Variants in RAPGEF5 observed in about 807,000 individuals in gnomAD.
The protein encoded by RAPGEF5 is Rap guanine nucleotide exchange factor 5.
RAPGEF5 carries 65 observed loss-of-function variants against 125.2 expected under a neutral mutation model. The observed-to-expected ratio is 0.52, with a 90% CI of 0.43 to 0.64. The LOEUF is 0.64. RAPGEF5 is among the 30% of genes least tolerant of loss of function. The pLI is 0.00. For synonymous variants in RAPGEF5, 391 were observed against 385.9 expected (o/e 1.01, Z -0.16); for missense variants, 958 against 1,048.1 (o/e 0.91, Z 1.19).
intron 7 of RAPGEF5, among the ~76,000 whole-genome samples, chr7:22,260,504 C>A (rs566308280): frequency 6.9e-6 from 1 of 144,560 alleles, no homozygotes; most frequent in Admixed American, 6.9e-5. Flanking sequence ...ACTGAGGAAC[C>A]ATCACACAAT....
In RAPGEF5 at chr7:22,314,162, A is replaced by G. The variant is rs1341920245; in HGVS notation, c.389+1208T>C. On this transcript the variant is annotated intron_variant, in intron 3 of 25. Transcript: ENST00000665637. ...TCTCACCACACTATGGATTTGCTCA[A>G]TTAATGGCTCAGAAGAATATAGATT... Among the ~76,000 whole-genome samples the G allele has an allele frequency of 1.9e-4, 29 of 152,232 alleles. 1 individual carries two copies. Among genetic ancestry groups the G allele is most frequent in the Admixed American group, 1.9e-3 (29 of 15,282 alleles).
intron 15 of RAPGEF5, 37 bp downstream of exon 15, chr7:22,157,817 CG>C: frequency 6.3e-7 from 1 of 1,590,082 alleles, no homozygotes; most frequent in African/African-American, 1.3e-5. Flanking sequence ...GTCTCCAAAC[CG>C]GATCACCTAA....
chr7:22,197,892 T>TTG (rs1785184653), intron 9 of RAPGEF5, among the ~76,000 whole-genome samples: 2 of 17,760 alleles, frequency 1.1e-4, no homozygotes, highest in South Asian at 5.6e-3. Context: ...TTCTTTTTTT[T>TTG]TGGGGGGGGG....
chr7:22,331,640 G>T (rs950255699), intron 1 of RAPGEF5, among the ~76,000 whole-genome samples: 2 of 151,182 alleles, frequency 1.3e-5, no homozygotes, highest in Non-Finnish European at 2.9e-5. Context: ...AGCTACTCGG[G>T]ATGCTGAGGC....
At chr7:22,270,798 T>C (rs538834371) in intron 6 of RAPGEF5, among the ~76,000 whole-genome samples, 11 of 152,350 alleles carry the variant, frequency 7.2e-5, no homozygotes, top group Admixed American at 4.6e-4. Context: ...CAGCAACTTG[T>C]AGTCAGATAC....
chr7:22,179,189 G>A (rs1002351025), intron 11 of RAPGEF5, among the ~76,000 whole-genome samples: 4 of 152,040 alleles, frequency 2.6e-5, no homozygotes, highest in African/African-American at 9.7e-5. Flanking sequence ...CTCTATAAGA[G>A]TAGATTTATT....
intron 7 of RAPGEF5, among the ~76,000 whole-genome samples, chr7:22,250,624 T>C (rs1005468835): frequency 1.3e-5 from 2 of 152,118 alleles, no homozygotes; most frequent in African/African-American, 4.8e-5. Context: ...TGATAGCTCT[T>C]ACTTGTCAAT....
At chr7:22,251,728 G>A (rs911689910) in intron 7 of RAPGEF5, among the ~76,000 whole-genome samples, 4 of 126,944 alleles carry the variant, frequency 3.2e-5, no homozygotes, top group African/African-American at 1.2e-4. Context: ...ATATAGGATG[G>A]GATTTCATTT....
At chr7:22,165,514 T>G (rs1321863040) in intron 12 of RAPGEF5, among the ~76,000 whole-genome samples, 1 of 152,204 alleles carries the variant, frequency 6.6e-6, no homozygotes, top group East Asian at 1.9e-4. Context: ...ACTTGAAAGC[T>G]GTGAAGGAAA....
At chr7:22,131,154 C>T (rs1019024824) in intron 23 of RAPGEF5, 53 bp from the exon 24 acceptor site, 1 of 1,489,486 alleles carries the variant, frequency 6.7e-7, no homozygotes, top group Non-Finnish European at 8.9e-7. Flanking sequence ...GATCATGAGT[C>T]AGGGCTGAAG....
At chr7:22,177,017 C>T (rs1784530563) in intron 11 of RAPGEF5, among the ~76,000 whole-genome samples, 1 of 152,150 alleles carries the variant, frequency 6.6e-6, no homozygotes, top group African/African-American at 2.4e-5. Context: ...GTGTTCTTTT[C>T]AATAACACAC....
At chr7:22,238,566 T>TC (rs1419542144) in intron 7 of RAPGEF5, among the ~76,000 whole-genome samples, 2 of 152,226 alleles carry the variant, frequency 1.3e-5, no homozygotes, top group Non-Finnish European at 2.9e-5. Context: ...GCAATGACAT[T>TC]ATGCTCACTG....
In RAPGEF5 at chr7:22,136,134, CCAAG is replaced by C; in HGVS notation, c.2329-13_2329-10del. The C allele has an allele frequency of 6.3e-7, 1 of 1,587,436 alleles. No individual in the cohort carries two copies. On this transcript the variant is annotated splice_polypyrimidine_tract_variant and intron_variant, in intron 22 of 25. Coordinates refer to ENST00000665637, the MANE Select transcript of RAPGEF5 (RefSeq NM_012294.5). ...TGATTTAGGGAAGGATCCTGCCGAA[CCAAG>C]CAGATTACAAAGAGAAAGAAAAATC...
chr7:22,294,559 C>T (rs559170706), intron 5 of RAPGEF5, among the ~76,000 whole-genome samples: 2 of 152,148 alleles, frequency 1.3e-5, no homozygotes, highest in Admixed American at 6.5e-5. Context: ...CCACTCCTAC[C>T]CAAAAGGAAA....
chr7:22,142,694 T>C (rs1783303404), intron 20 of RAPGEF5, among the ~76,000 whole-genome samples: 1 of 152,238 alleles, frequency 6.6e-6, no homozygotes, highest in African/African-American at 2.4e-5. Flanking sequence ...GAACAGACTG[T>C]CTGACACTAA....
At chr7:22,201,025 G>A (rs1289271958) in intron 9 of RAPGEF5, among the ~76,000 whole-genome samples, 4 of 152,210 alleles carry the variant, frequency 2.6e-5, no homozygotes, top group African/African-American at 9.7e-5. Flanking sequence ...ATTTACAGCT[G>A]TGTAGGTAGG....
At chr7:22,291,090 T>C in intron 6 of RAPGEF5, 85 bp downstream of exon 6, 1 of 1,433,650 alleles carries the variant, frequency 7.0e-7, no homozygotes, top group Non-Finnish European at 9.3e-7. Context: ...AATGTCTCTC[T>C]ACACCATCAC....
At chr7:22,133,495 C>T (rs1354518125) in intron 23 of RAPGEF5, among the ~76,000 whole-genome samples, 1 of 152,190 alleles carries the variant, frequency 6.6e-6, no homozygotes, top group African/African-American at 2.4e-5. Flanking sequence ...CACCTGAACA[C>T]ACCCCAAACA....
chr7:22,245,856 G>A (rs1419492885), intron 7 of RAPGEF5, among the ~76,000 whole-genome samples: 1 of 152,052 alleles, frequency 6.6e-6, no homozygotes, highest in South Asian at 2.1e-4. Context: ...AAGGCTCCTG[G>A]GACTGATAAG....
Sources: gnomAD v4.1 joint callset for allele counts (sites outside exome capture counted in the v4.1 genomes callset) on GRCh38, gnomAD v4.1.1 for gene constraint, MANE v1.5 for transcripts, NCBI Gene and HGNC (gene_info 2026-07-23, HGNC 2026-07-21) for gene names.